The following RNF14 variants were observed in gnomAD, a reference collection of about 807,000 sequenced individuals.
RNF14 encodes E3 ubiquitin-protein ligase RNF14.
RNF14 carries 26 observed loss-of-function variants against 52.6 expected under a neutral mutation model. That is an observed-to-expected ratio of 0.49 (90% CI 0.36 to 0.69). The LOEUF (loss-of-function observed/expected upper bound fraction) is 0.69, where lower values mean the gene tolerates loss of function less well. RNF14 is among the 30% of genes least tolerant of loss of function. The pLI, the probability that RNF14 is intolerant of heterozygous loss-of-function variation, is 0.00. For missense variants in RNF14, 404 were observed against 560.4 expected (o/e 0.72, Z 2.82); for synonymous variants, 194 against 202.0 (o/e 0.96, Z 0.34).
rs183702972 is a variant in RNF14 at position 141,987,801 on chromosome 5, C to A, written c.*11C>A. On this transcript the variant is annotated 3_prime_UTR_variant, in exon 9 of 9. Coordinates refer to ENST00000394520, the MANE Select transcript of RNF14 (RefSeq NM_004290.5). ...GAGGTAGAAGACTAGTTAACTACTG[C>A]TCAAGATATGGAAGTGGATTGTTTT... 378 of 1,611,780 alleles carry A rather than the reference C, an allele frequency of 2.3e-4. No homozygotes were observed. Among genetic ancestry groups the A allele is most frequent in the Non-Finnish European group, 3.0e-4 (358 of 1,178,892 alleles).
At chr5:141,978,244 G>T in intron 4 of RNF14, 59 bp from the exon 5 acceptor site, 2 of 1,442,468 alleles carry the variant, frequency 1.4e-6, no homozygotes, top group South Asian at 2.8e-5. Context: ...GGGAAACCAG[G>T]AGTTGGCAGC....
At chr5:141,954,840 A>T, upstream of RNF14, 1 of 1,218,476 alleles carries the variant, frequency 8.2e-7, no homozygotes, top group African/African-American at 1.5e-5. Context: ...AACCATTGCT[A>T]CCCAAAGCAT....
intron 4 of RNF14, among the ~76,000 whole-genome samples, chr5:141,976,034 A>C (rs571252321): frequency 2.0e-5 from 3 of 152,296 alleles, no homozygotes; most frequent in African/African-American, 7.2e-5. Context: ...CCCATCCACC[A>C]ATCTAATCTT....
chr5:141,966,279 T>C (rs1753347341), upstream of RNF14, among the ~76,000 whole-genome samples: 1 of 152,178 alleles, frequency 6.6e-6, no homozygotes, highest in Non-Finnish European at 1.5e-5. Context: ...AGAGTGAGAC[T>C]CGGTCTCAAA....
intron 3 of RNF14, among the ~76,000 whole-genome samples, chr5:141,974,059 G>A (rs7724045): frequency 2.0e-5 from 3 of 152,290 alleles, no homozygotes; most frequent in East Asian, 3.9e-4. Context: ...ATGTGAAAAC[G>A]CTTAGAAATT....
At chr5:141,969,323 G>C (rs1310208152) in intron 1 of RNF14, 156 bp downstream of exon 1, 1 of 152,646 alleles carries the variant, frequency 6.6e-6, no homozygotes, top group Non-Finnish European at 1.5e-5. Flanking sequence ...TCAAATCCGG[G>C]ACCGGGCGTC....
the RNF14 span, chr5:141,949,581 C>T: frequency 6.2e-7 from 1 of 1,613,092 alleles, no homozygotes; most frequent in Non-Finnish European, 8.5e-7. Flanking sequence ...TGGGATTGCA[C>T]TCCTGCAAAA....
At chr5:141,959,759 G>C (rs1753240284) in intron 1 of RNF14, among the ~76,000 whole-genome samples, 1 of 152,098 alleles carries the variant, frequency 6.6e-6, no homozygotes, top group African/African-American at 2.4e-5. Context: ...TTAAACCATA[G>C]CAAGGGGCCT....
At chr5:141,955,814 G>A (rs753144260), upstream of RNF14, 1 of 1,613,906 alleles carries the variant, frequency 6.2e-7, no homozygotes, top group Admixed American at 1.7e-5. The surrounding 1 kb of genome is among the most constrained non-coding windows in gnomAD (Gnocchi z 5.5). Context: ...GGGCTTCCCT[G>A]GTCCTCTACT....
intron 5 of RNF14, 90 bp downstream of exon 5, chr5:141,978,920 G>A: frequency 7.3e-7 from 1 of 1,375,892 alleles, no homozygotes; most frequent in South Asian, 1.4e-5. Context: ...GGGCTCATGG[G>A]GCAGTCCGAG....
upstream of RNF14, chr5:141,966,747 C>T (rs932708174): frequency 2.6e-5 from 4 of 152,278 alleles, no homozygotes; most frequent in Non-Finnish European, 4.4e-5. Flanking sequence ...CTTTGAAATT[C>T]TCTTTCTATT....
chr5:141,970,878 G>A lies in RNF14; in HGVS notation c.-7+1G>A, dbSNP rs1315362647. 6.6e-6 allele frequency: 1 copy of A among 152,250 alleles called. No individual in the cohort carries two copies. The highest frequency in any genetic ancestry group is 6.5e-5 in the Admixed American group (1 of 15,270). The allele number at this position is 152,250 out of a possible 1,614,324, so 9.4% of individuals were successfully genotyped here. ...CTTTTCTTCTGATTGTTATTAACAG[G>A]TACTAACTGACCTCAAGTAGAACAT... On this transcript the variant is annotated splice_donor_variant, in intron 2 of 8. Coordinates refer to ENST00000394520, the MANE Select transcript of RNF14 (RefSeq NM_004290.5). LOFTEE classifies it low-confidence loss of function (5UTR_SPLICE).
the RNF14 span, among the ~76,000 whole-genome samples, chr5:141,952,195 C>A: frequency 3.3e-5 from 5 of 152,158 alleles, no homozygotes; most frequent in Non-Finnish European, 7.3e-5. Flanking sequence ...AGGTTGCAGG[C>A]AGCCCCACAG....
chr5:141,973,150 T>C (rs977234922), intron 2 of RNF14, among the ~76,000 whole-genome samples: 2 of 152,264 alleles, frequency 1.3e-5, no homozygotes, highest in African/African-American at 4.8e-5. Flanking sequence ...GCTGTCATTT[T>C]TGGTTTAGGA....
chr5:141,951,551 A>G, the RNF14 span: 1 of 1,614,192 alleles, frequency 6.2e-7, no homozygotes, highest in East Asian at 2.2e-5. Context: ...TTGGGCTGGA[A>G]TTGGCCCTGA....
intron 6 of RNF14, among the ~76,000 whole-genome samples, chr5:141,982,873 A>C (rs761045405): frequency 2.6e-5 from 4 of 152,206 alleles, no homozygotes; most frequent in Non-Finnish European, 4.4e-5. Context: ...TGTCTGTTTC[A>C]ACCTTTGTGT....
upstream of RNF14, chr5:141,954,968 G>A (rs1161251693): frequency 6.2e-7 from 1 of 1,606,928 alleles, no homozygotes; most frequent in Non-Finnish European, 8.5e-7. Flanking sequence ...CATGCCCCAG[G>A]TACCTGAACA....
At chr5:141,972,919 C>T (rs1296362469) in intron 2 of RNF14, among the ~76,000 whole-genome samples, 3 of 152,128 alleles carry the variant, frequency 2.0e-5, no homozygotes, top group African/African-American at 7.2e-5. Context: ...GTGTAATATA[C>T]TTTGACCACT....
chr5:141,969,464 T>G (rs981078453), intron 1 of RNF14: 2 of 152,328 alleles, frequency 1.3e-5, no homozygotes, highest in Non-Finnish European at 2.9e-5. Flanking sequence ...GATCCCAGCG[T>G]TGGGGCGGAT....
Sources: gnomAD v4.1 joint callset for allele counts (sites outside exome capture counted in the v4.1 genomes callset) on GRCh38, gnomAD v4.1.1 for gene constraint, Gnocchi (gnomAD v3.1) non-coding constraint, MANE v1.5 for transcripts, NCBI Gene and HGNC (gene_info 2026-07-23, HGNC 2026-07-21) for gene names.